Variants in NAA15 observed in about 807,000 individuals in gnomAD.
NAA15 encodes the protein N-alpha-acetyltransferase 15, NatA auxiliary subunit.
A neutral mutation model predicts 114.0 loss-of-function variants in NAA15; 34 were observed. The observed-to-expected ratio is 0.30, with a 90% confidence interval of 0.23 to 0.40. The LOEUF is 0.40. Among genes scored for constraint, NAA15 ranks in the 10% least tolerant of loss-of-function variants. The pLI is 1.00. For missense variants in NAA15, 658 were observed against 1,004.5 expected (o/e 0.66, Z 4.66); for synonymous variants, 340 against 338.0 (o/e 1.01, Z -0.06).
chr4:139,331,617 ATTTTTTT>A (rs34467609), intron 1 of NAA15, among the ~76,000 whole-genome samples: 3 of 127,864 alleles, frequency 2.3e-5, no homozygotes, highest in African/African-American at 5.8e-5. Flanking sequence ...TGCCCGGCTA[ATTTTTTT>A]TTTTTTTTTT....
chr4:139,366,713 GT>G (rs1171428408), intron 14 of NAA15, among the ~76,000 whole-genome samples: 1 of 151,546 alleles, frequency 6.6e-6, no homozygotes, highest in Non-Finnish European at 1.5e-5. Context: ...GGCTCAGCCA[GT>G]CCCCCAACCT....
At position 139,389,194 on chromosome 4, in the gene NAA15, ATTTTTTTTTT is replaced by A. The variant is rs71600201; in HGVS notation, c.*1123_*1132del. 1 of 113,356 alleles carries A rather than the reference ATTTTTTTTTT, an allele frequency of 8.8e-6. No individual in the cohort carries two copies. The highest frequency in any genetic ancestry group is 1.8e-5 in the Non-Finnish European group (1 of 55,894). The allele number at this position is 113,356 out of a possible 1,614,324, so 7.0% of individuals were successfully genotyped here. ...CTTTGTAATTTTTAAAGGGCCCAAGATTTTTTTTTTTTTTTTTTTTTTCAAATAACAGACC... is the reference window on the plus strand; with the variant it reads ...CTTTGTAATTTTTAAAGGGCCCAAGATTTTTTTTTTTTCAAATAACAGACC... On this transcript the variant is annotated 3_prime_UTR_variant, in exon 20 of 20. Coordinates refer to ENST00000296543, the MANE Select transcript of NAA15 (RefSeq NM_057175.5).
At chr4:139,359,533 T>C (rs1748068941) in intron 11 of NAA15, among the ~76,000 whole-genome samples, 1 of 152,238 alleles carries the variant, frequency 6.6e-6, no homozygotes. Flanking sequence ...AAATCTTTAC[T>C]GTCAGACAGC....
intron 14 of NAA15, among the ~76,000 whole-genome samples, chr4:139,366,473 T>C (rs185807684): frequency 3.9e-5 from 6 of 152,280 alleles, no homozygotes; most frequent in South Asian, 2.1e-4. Flanking sequence ...CTTCACATTC[T>C]AATTGGTCAG....
chr4:139,350,978 A>G (rs1747761389), intron 7 of NAA15, among the ~76,000 whole-genome samples: 1 of 152,208 alleles, frequency 6.6e-6, no homozygotes, highest in African/African-American at 2.4e-5. Context: ...TACCTAAAGC[A>G]GAACAGGATA....
Position 139,390,807 on chromosome 4 carries a change from A to G in NAA15, c.*2723A>G, listed in dbSNP as rs985412427. 1.3e-5 allele frequency: 2 copies of G among 152,242 alleles called. No homozygotes were observed. The highest frequency in any genetic ancestry group is 2.9e-5 in the Non-Finnish European group (2 of 68,046). 9.4% of individuals were successfully genotyped at this position (152,242 alleles called of 1,614,324 possible). A position where few individuals can be genotyped will look rare whatever the true frequency, so the allele number is the denominator to read the frequency against. Reference sequence around the variant, plus strand: ...AATAGCATGGCTAAAGGTAATGCCAATATTAGTGAATAGCTTTGCTGTGGG... The same window carrying G: ...AATAGCATGGCTAAAGGTAATGCCAGTATTAGTGAATAGCTTTGCTGTGGG... On this transcript the variant is annotated 3_prime_UTR_variant, in exon 20 of 20. Transcript: ENST00000296543.
chr4:139,316,113 ATCTTT>A lies in NAA15; in HGVS notation c.54+14287_54+14291del, dbSNP rs372244023. ...CTACAATATTGTTAAAGATTTACAGATCTTTTCTTGAAGTTCTCAATCACTTCTTG... is the reference window on the plus strand; with the variant it reads ...CTACAATATTGTTAAAGATTTACAGATCTTGAAGTTCTCAATCACTTCTTG... On this transcript the variant is annotated intron_variant, in intron 1 of 19. Coordinates refer to ENST00000296543, the MANE Select transcript of NAA15 (RefSeq NM_057175.5). 1.5e-4 allele frequency among the ~76,000 whole-genome samples: 23 copies of A among 151,956 alleles called. 1 individual carries two copies. In the East Asian group the frequency reaches 2.1e-3, roughly 14 times the overall value.
At chr4:139,315,631 T>G (rs1359441750) in intron 1 of NAA15, among the ~76,000 whole-genome samples, 3 of 151,918 alleles carry the variant, frequency 2.0e-5, no homozygotes, top group Non-Finnish European at 4.4e-5. Flanking sequence ...TACAAGTGCA[T>G]GCCCAATGGT....
intron 1 of NAA15, among the ~76,000 whole-genome samples, chr4:139,332,532 TC>T (rs2110891384): frequency 6.6e-6 from 1 of 151,862 alleles, no homozygotes; most frequent in African/African-American, 2.4e-5. Context: ...CTTTAAAATG[TC>T]TTTTTGCTCT....
chr4:139,354,254 G>C (rs1343097097), intron 10 of NAA15, among the ~76,000 whole-genome samples, 156 bp downstream of exon 10: 1 of 152,130 alleles, frequency 6.6e-6, no homozygotes, highest in Non-Finnish European at 1.5e-5. Context: ...TGCACATTGT[G>C]TGATGATATT....
chr4:139,369,324 T>G (rs1356821879), intron 14 of NAA15, among the ~76,000 whole-genome samples: 1 of 152,240 alleles, frequency 6.6e-6, no homozygotes, highest in African/African-American at 2.4e-5. Context: ...GCAAATAGTT[T>G]AATATTGCTG....
chr4:139,355,349 T>C (rs1250721150), intron 10 of NAA15, among the ~76,000 whole-genome samples: 2 of 152,186 alleles, frequency 1.3e-5, no homozygotes, highest in Non-Finnish European at 2.9e-5. Context: ...TCTTTTTATC[T>C]TTTGGGTTTC....
Position 139,349,662 on chromosome 4 carries a change from A to G in NAA15, c.811+81A>G, listed in dbSNP as rs1009001228. ...TATTTACTCATTGAAAAGCACAACT[A>G]GAATAATAGTGGTTAAGAATTGGTT... is the stretch of plus-strand genomic sequence containing the variant. On this transcript the variant is annotated intron_variant, in intron 7 of 19. Transcript: ENST00000296543. 11 of 1,355,600 alleles carry G rather than the reference A, an allele frequency of 8.1e-6. No individual in the cohort carries two copies. In the East Asian group the frequency reaches 1.1e-4, roughly 13 times the overall value. 84.0% of individuals were successfully genotyped at this position (1,355,600 alleles called of 1,614,324 possible). A position where few individuals can be genotyped will look rare whatever the true frequency, so the allele number is the denominator to read the frequency against.
At chr4:139,376,336 A>G in intron 15 of NAA15, 29 bp from the exon 16 acceptor site, 2 of 1,353,968 alleles carry the variant, frequency 1.5e-6, no homozygotes, top group Non-Finnish European at 2.1e-6. Flanking sequence ...CCTTAGTTTC[A>G]TTTGTATAAT....
intron 10 of NAA15, 41 bp from the exon 11 acceptor site, chr4:139,357,345 T>C: frequency 6.3e-7 from 1 of 1,590,426 alleles, no homozygotes. Flanking sequence ...TCTTAATATA[T>C]GTAATGCCTC....
At chr4:139,377,583 A>G (rs947262303) in intron 16 of NAA15, among the ~76,000 whole-genome samples, 4 of 152,026 alleles carry the variant, frequency 2.6e-5, no homozygotes, top group Non-Finnish European at 4.4e-5. Context: ...GATGTTGGGG[A>G]AAAGTTGCTA....
Position 139,344,182 on chromosome 4 carries a change from A to G in NAA15, c.538-4A>G. ...CTGTCAGTATTCCTTATATCCATAT[A>G]CAGACATCCCCTGACAAGGTGGATT... On this transcript the variant is annotated splice_region_variant and splice_polypyrimidine_tract_variant and intron_variant, in intron 5 of 19. Transcript: ENST00000296543. 6.2e-7 allele frequency: 1 copy of G among 1,605,232 alleles called. No individual in the cohort carries two copies. Among genetic ancestry groups the G allele is most frequent in the Non-Finnish European group, 8.5e-7 (1 of 1,175,796 alleles).
intron 15 of NAA15, 150 bp from the exon 16 acceptor site, chr4:139,376,215 T>G: frequency 3.8e-6 from 2 of 520,570 alleles, no homozygotes. Flanking sequence ...AATCCCCTTT[T>G]TTAGGTTATA....
At chr4:139,384,485 G>A (rs78306274) in intron 17 of NAA15, among the ~76,000 whole-genome samples, 769 of 151,558 alleles carry the variant, frequency 5.1e-3, no homozygotes, top group Non-Finnish European at 8.8e-3. Flanking sequence ...GTCTCAATCA[G>A]TCAGTCAGTT....
Sources: gnomAD v4.1 joint callset for allele counts (sites outside exome capture counted in the v4.1 genomes callset) on GRCh38, gnomAD v4.1.1 for gene constraint, MANE v1.5 for transcripts, NCBI Gene and HGNC (gene_info 2026-07-23, HGNC 2026-07-21) for gene names.